OPCML: variants seen among roughly 807,000 people sequenced by gnomAD.
OPCML encodes opioid-binding protein/cell adhesion molecule.
A neutral mutation model predicts 37.8 loss-of-function variants in OPCML; 13 were observed. That is an observed-to-expected ratio of 0.34 (90% CI 0.22 to 0.55). The LOEUF (loss-of-function observed/expected upper bound fraction) is 0.55, where lower values mean the gene tolerates loss of function less well. Ranked by LOEUF, OPCML falls within the 20% of genes least tolerant of loss-of-function variation. The pLI is 0.91. For synonymous variants in OPCML, 176 were observed against 168.8 expected, an observed-to-expected ratio of 1.04 and a Z score of -0.33; for missense variants, 341 against 435.6, an observed-to-expected ratio of 0.78 and a Z score of 1.93.
intron 1 of OPCML, chr11:133,066,311 G>A (rs1363285449): frequency 2.0e-5 from 3 of 152,220 alleles, no homozygotes; most frequent in Admixed American, 1.3e-4. Flanking sequence ...ACCTCTCAGA[G>A]TAATGGACCA....
chr11:132,619,702 A>AG (rs1491240391), intron 3 of OPCML, among the ~76,000 whole-genome samples: 1 of 136,038 alleles, frequency 7.4e-6, no homozygotes, highest in African/African-American at 2.7e-5. Flanking sequence ...AAAAAAAAAA[A>AG]TTAGCCGGGC....
intron 1 of OPCML, among the ~76,000 whole-genome samples, chr11:132,948,098 CTA>C (rs1407616152): frequency 6.6e-6 from 1 of 152,226 alleles, no homozygotes; most frequent in Non-Finnish European, 1.5e-5. Context: ...CCTATCCCAC[CTA>C]TGTTATAGGG....
intron 4 of OPCML, among the ~76,000 whole-genome samples, chr11:132,452,497 A>ACTTCCTTC (rs575180796): frequency 0.019 from 1,819 of 96,802 alleles, 50 homozygotes; most frequent in African/African-American, 0.053. Flanking sequence ...TCCCTTCCTC[A>ACTTCCTTC]CTTCCTTCCT....
At chr11:133,185,454 G>A (rs761118240) in intron 1 of OPCML, among the ~76,000 whole-genome samples, 8 of 152,192 alleles carry the variant, frequency 5.3e-5, no homozygotes, top group African/African-American at 7.2e-5. Context: ...CCCATTGCAG[G>A]GAAGGTAGAC....
At chr11:133,469,765 T>C (rs554013387) in intron 1 of OPCML, among the ~76,000 whole-genome samples, 5 of 152,206 alleles carry the variant, frequency 3.3e-5, no homozygotes, top group Admixed American at 1.3e-4. Context: ...CTCCGACTAT[T>C]TTATGAAAAA....
intron 1 of OPCML, among the ~76,000 whole-genome samples, chr11:133,307,348 A>G (rs1421004128): frequency 1.3e-5 from 2 of 152,160 alleles, no homozygotes; most frequent in African/African-American, 2.4e-5. Context: ...CTGGTCATGC[A>G]TATGGCCAAA....
chr11:133,424,872 C>T (rs1945968777), intron 1 of OPCML, among the ~76,000 whole-genome samples: 2 of 152,128 alleles, frequency 1.3e-5, no homozygotes, highest in Non-Finnish European at 2.9e-5. Flanking sequence ...AAAATAGAAA[C>T]AATCCACACC....
chr11:132,523,836 T>C (rs1565635724), intron 4 of OPCML, among the ~76,000 whole-genome samples: 2 of 152,198 alleles, frequency 1.3e-5, no homozygotes, highest in Admixed American at 1.3e-4. Context: ...AGTAAATGCA[T>C]AAAAGAGTCA....
intron 1 of OPCML, among the ~76,000 whole-genome samples, chr11:132,976,908 A>T (rs1946476335): frequency 6.6e-6 from 1 of 152,150 alleles, no homozygotes; most frequent in Admixed American, 6.5e-5. Flanking sequence ...GGGGCAGAAA[A>T]TTTAGATGAA....
At chr11:132,438,893 T>C (rs1423974611) in intron 4 of OPCML, among the ~76,000 whole-genome samples, 1 of 152,084 alleles carries the variant, frequency 6.6e-6, no homozygotes, top group Non-Finnish European at 1.5e-5. Context: ...CCCCAGACCA[T>C]GTGCTTTCTG....
intron 1 of OPCML, 88 bp downstream of exon 1, chr11:133,532,176 C>T: frequency 6.4e-7 from 1 of 1,553,832 alleles, no homozygotes; most frequent in Non-Finnish European, 8.7e-7. Flanking sequence ...CCCCTTCCTC[C>T]TTGCCTCTCC....
intron 4 of OPCML, among the ~76,000 whole-genome samples, chr11:132,497,259 G>C (rs984848809): frequency 6.6e-6 from 1 of 151,916 alleles, no homozygotes; most frequent in Non-Finnish European, 1.5e-5. Flanking sequence ...GTGGGGAGTG[G>C]GGAGAGAGAG....
chr11:132,962,796 T>A (rs1289836472), intron 1 of OPCML, among the ~76,000 whole-genome samples: 2 of 152,104 alleles, frequency 1.3e-5, no homozygotes, highest in East Asian at 3.9e-4. Flanking sequence ...CGCATTTGGG[T>A]TTTCAGTCTT....
Position 132,655,049 on chromosome 11 carries a change from T to G in OPCML, c.379+2038A>C, listed in dbSNP as rs184149005. 2.6e-3 allele frequency among the ~76,000 whole-genome samples: 398 copies of G among 152,356 alleles called. 1 individual carries two copies. The highest frequency in any genetic ancestry group is 9.1e-3 in the African/African-American group (378 of 41,588). On this transcript the variant is annotated intron_variant, in intron 3 of 7. Transcript: ENST00000524381. ...CCCACCCAAGGGATCGCTCAGCATGTGTTATGGAGAACATCCTTCTCTGTT... is the reference window on the plus strand; with the variant it reads ...CCCACCCAAGGGATCGCTCAGCATGGGTTATGGAGAACATCCTTCTCTGTT...
At chr11:132,435,223 G>C (rs756024314) in intron 7 of OPCML, 10 of 1,289,270 alleles carry the variant, frequency 7.8e-6, no homozygotes, top group Non-Finnish European at 1.0e-5. Context: ...ACAATGCAGA[G>C]AGAAAACAAA....
chr11:132,640,394 T>A, intron 3 of OPCML, among the ~76,000 whole-genome samples: 1 of 152,164 alleles, frequency 6.6e-6, no homozygotes, highest in South Asian at 2.1e-4. Flanking sequence ...GATTGGTCAT[T>A]AGCATCAGCC....
intron 2 of OPCML, among the ~76,000 whole-genome samples, chr11:132,753,729 CTGGAG>C (rs894100544): frequency 5.9e-5 from 9 of 152,164 alleles, no homozygotes; most frequent in Non-Finnish European, 1.2e-4. Flanking sequence ...AAAACTTCCT[CTGGAG>C]GAAGTGAAAC....
At chr11:133,254,144 T>A (rs927589854) in intron 1 of OPCML, among the ~76,000 whole-genome samples, 19 of 152,286 alleles carry the variant, frequency 1.2e-4, no homozygotes, top group African/African-American at 4.6e-4. Flanking sequence ...GGGGTATTCA[T>A]TTTTACTATG....
At chr11:133,172,572 TGTGG>T (rs953606111) in intron 1 of OPCML, among the ~76,000 whole-genome samples, 4 of 151,984 alleles carry the variant, frequency 2.6e-5, no homozygotes, top group African/African-American at 9.7e-5. Flanking sequence ...CATGGGACAG[TGTGG>T]GTGGGAGACT....
Sources: allele counts gnomAD v4.1 joint callset (sites outside exome capture counted in the v4.1 genomes callset), GRCh38; gene constraint gnomAD v4.1.1; transcripts MANE v1.5; gene names NCBI Gene and HGNC (gene_info 2026-07-23, HGNC 2026-07-21).